Variants in RNF13 observed in about 807,000 individuals in gnomAD.
RNF13 encodes the protein ring finger protein 13, also known as E3 ubiquitin-protein ligase RNF13.
A neutral mutation model predicts 37.7 loss-of-function variants in RNF13; 19 were observed. The ratio of observed to expected loss-of-function variants is 0.50; its 90% CI spans 0.35 to 0.74. The LOEUF is 0.74. Among genes scored for constraint, RNF13 ranks in the 30% least tolerant of loss-of-function variants. The pLI, the probability that RNF13 is intolerant of heterozygous loss-of-function variation, is 0.01. For synonymous variants in RNF13, 144 were observed against 157.8 expected (o/e 0.91, Z 0.65); for missense variants, 375 against 453.0 (o/e 0.83, Z 1.56).
intron 6 of RNF13, among the ~76,000 whole-genome samples, chr3:149,909,757 C>G (rs2108514498): frequency 6.6e-6 from 1 of 152,008 alleles, no homozygotes; most frequent in African/African-American, 2.4e-5. Context: ...GAAATTGATT[C>G]CATTTCTGCC....
chr3:149,834,768 G>C (rs1721420890), intron 1 of RNF13, among the ~76,000 whole-genome samples: 1 of 152,220 alleles, frequency 6.6e-6, no homozygotes, highest in Admixed American at 6.5e-5. Context: ...GTCCTCACCA[G>C]ATATAGATGT....
chr3:149,880,457 C>T lies in RNF13; in HGVS notation c.321+8303C>T, dbSNP rs1012214532. Among the ~76,000 whole-genome samples, 7 of 152,130 alleles carry T rather than the reference C, an allele frequency of 4.6e-5. No individual in the cohort carries two copies. In the South Asian group the frequency reaches 1.5e-3, roughly 32 times the overall value. ...GCAATTCTGACAAATATTTAGGCAG[C>T]TTTTAACTAGTATAGTTTATTTTAA... On this transcript the variant is annotated intron_variant, in intron 4 of 9. Transcript: ENST00000392894.
chr3:149,837,996 C>T (rs1458543734), intron 1 of RNF13, among the ~76,000 whole-genome samples: 1 of 152,140 alleles, frequency 6.6e-6, no homozygotes, highest in Non-Finnish European at 1.5e-5. Context: ...ACAGCTGTTC[C>T]AAGTGGGAGA....
At chr3:149,888,443 G>A (rs565304612) in intron 4 of RNF13, among the ~76,000 whole-genome samples, 1 of 152,310 alleles carries the variant, frequency 6.6e-6, no homozygotes, top group African/African-American at 2.4e-5. Flanking sequence ...GAAACACTGG[G>A]CATTTGCAGG....
rs1250821347 is a variant in RNF13 at position 149,949,925 on chromosome 3, GCATATGCTA to G, written c.701-10127_701-10119del. 3.3e-5 allele frequency among the ~76,000 whole-genome samples: 5 copies of G among 151,824 alleles called. No individual in the cohort carries two copies. In the East Asian group the frequency reaches 9.7e-4, roughly 29 times the overall value. On this transcript the variant is annotated intron_variant, in intron 8 of 9. Coordinates refer to ENST00000392894, the MANE Select transcript of RNF13 (RefSeq NM_183381.3). ...TTAATTTTCTTGATGTTTCCATTATGCATATGCTACATTTTCTGTAGTTGTTCCATATTC... is the reference window on the plus strand; with the variant it reads ...TTAATTTTCTTGATGTTTCCATTATGCATTTTCTGTAGTTGTTCCATATTC...
intron 8 of RNF13, among the ~76,000 whole-genome samples, chr3:149,951,182 TG>T (rs1180818631): frequency 6.6e-6 from 1 of 152,178 alleles, no homozygotes. Context: ...AGTTCAGGCT[TG>T]GCTACCAGTA....
At chr3:149,941,013 C>T (rs1720204737) in intron 8 of RNF13, among the ~76,000 whole-genome samples, 1 of 152,152 alleles carries the variant, frequency 6.6e-6, no homozygotes, top group Admixed American at 6.5e-5. Context: ...TATGTTGTGG[C>T]ATGTGACAGA....
At chr3:149,938,141 A>T (rs1719885823) in intron 8 of RNF13, among the ~76,000 whole-genome samples, 1 of 151,504 alleles carries the variant, frequency 6.6e-6, no homozygotes, top group Admixed American at 6.6e-5. Flanking sequence ...AAATATTGTT[A>T]TATATATAGT....
chr3:149,942,073 A>G (rs1720339948), intron 8 of RNF13, among the ~76,000 whole-genome samples: 1 of 152,008 alleles, frequency 6.6e-6, no homozygotes, highest in Admixed American at 6.6e-5. Flanking sequence ...GTGTATATAT[A>G]TCTGTCTTTA....
chr3:149,871,975 T>C (rs1267035575), intron 3 of RNF13, 54 bp from the exon 4 acceptor site: 30 of 1,456,554 alleles, frequency 2.1e-5, no homozygotes, highest in Non-Finnish European at 2.8e-5. Context: ...TAGAAGTAAG[T>C]TGATTGATTT....
At chr3:149,885,554 T>G (rs1040282469) in intron 4 of RNF13, among the ~76,000 whole-genome samples, 72 of 152,330 alleles carry the variant, frequency 4.7e-4, no homozygotes, top group African/African-American at 1.7e-3. Context: ...TATTCAAATC[T>G]TTTGCCCATT....
At chr3:149,948,515 C>T (rs1465686212) in intron 8 of RNF13, among the ~76,000 whole-genome samples, 2 of 152,090 alleles carry the variant, frequency 1.3e-5, no homozygotes, top group Non-Finnish European at 1.5e-5. Context: ...AGATATCTTC[C>T]TTATGGTTAC....
intron 6 of RNF13, among the ~76,000 whole-genome samples, chr3:149,911,298 A>G (rs1402849330): frequency 6.6e-6 from 1 of 152,098 alleles, no homozygotes; most frequent in Non-Finnish European, 1.5e-5. Flanking sequence ...TCTTTTTGGT[A>G]CCCAAGGTAC....
intron 4 of RNF13, among the ~76,000 whole-genome samples, chr3:149,880,485 G>C (rs925507253): frequency 6.6e-6 from 1 of 151,956 alleles, no homozygotes; most frequent in Non-Finnish European, 1.5e-5. Context: ...TATTTTAACT[G>C]GTGTGGTTCA....
chr3:149,932,016 GT>G (rs55981196), intron 8 of RNF13, among the ~76,000 whole-genome samples: 99 of 151,226 alleles, frequency 6.5e-4, no homozygotes, highest in East Asian at 1.4e-3. Context: ...AAATAACAGG[GT>G]TTTTTTTTAT....
chr3:149,844,972 C>T (rs1576752657), intron 1 of RNF13, among the ~76,000 whole-genome samples: 1 of 152,190 alleles, frequency 6.6e-6, no homozygotes, highest in African/African-American at 2.4e-5. Context: ...TCCCCCCACG[C>T]CCTGCCAATC....
At chr3:149,861,496 T>G (rs1724251689) in intron 3 of RNF13, among the ~76,000 whole-genome samples, 1 of 152,142 alleles carries the variant, frequency 6.6e-6, no homozygotes, top group South Asian at 2.1e-4. Flanking sequence ...GAATTAGAGA[T>G]TATTATGTCA....
chr3:149,823,055 A>T (rs1720144930), intron 1 of RNF13, among the ~76,000 whole-genome samples: 2 of 152,262 alleles, frequency 1.3e-5, no homozygotes, highest in South Asian at 4.1e-4. Flanking sequence ...TGATTTGGGA[A>T]GGGCAGTATT....
At position 149,960,937 on chromosome 3, in the gene RNF13, T is replaced by C. The variant is rs1261603377; in HGVS notation, c.979T>C (p.Ser327Pro). 3 of 1,614,214 alleles carry C rather than the reference T, an allele frequency of 1.9e-6. No individual in the cohort carries two copies. The highest frequency in any genetic ancestry group is 1.1e-5 in the South Asian group (1 of 91,088). The change falls in exon 10 of 10, where the codon TCG (serine) becomes CCG (proline). Residue 327 changes from serine to proline, a missense_variant. Transcript: ENST00000392894. Reference protein sequence around the residue: ...SVSAQSFGALSESRSHQNMTE... With the variant: ...SVSAQSFGALPESRSHQNMTE... Reference sequence around the variant, plus strand: ...CAGTGCCCAGTCATTTGGGGCTTTATCGGAATCCCGCTCACATCAGAACAT... The same window carrying C: ...CAGTGCCCAGTCATTTGGGGCTTTACCGGAATCCCGCTCACATCAGAACAT...
Sources: gnomAD v4.1 joint callset for allele counts (sites outside exome capture counted in the v4.1 genomes callset) on GRCh38, gnomAD v4.1.1 for gene constraint, MANE v1.5 for transcripts, NCBI Gene and HGNC (gene_info 2026-07-23, HGNC 2026-07-21) for gene names.